The following ATP7B variants were observed in gnomAD, a reference collection of about 807,000 sequenced individuals.
ATP7B encodes ATPase copper transporting beta.
A neutral mutation model predicts 118.9 loss-of-function variants in ATP7B; 113 were observed. The observed-to-expected ratio is 0.95, with a 90% CI of 0.82 to 1.11. The LOEUF (loss-of-function observed/expected upper bound fraction) is 1.11. ATP7B is among the 50% of genes most tolerant of loss of function. ATP7B has a pLI of 0.00. For missense variants in ATP7B, 1,867 were observed against 1,871.4 expected (o/e 1.00, Z 0.04); for synonymous variants, 777 against 727.4 (o/e 1.07, Z -1.10).
chr13:51,968,733 T>C, intron 3 of ATP7B, 126 bp from the exon 4 acceptor site: 2 of 1,154,078 alleles, frequency 1.7e-6, no homozygotes, highest in Admixed American at 1.9e-5. Context: ...TTTCAAACAC[T>C]GTTTGAAAAT....
At chr13:51,964,011 A>G (rs1838609364) in intron 5 of ATP7B, among the ~76,000 whole-genome samples, 1 of 152,040 alleles carries the variant, frequency 6.6e-6, no homozygotes, top group Admixed American at 6.6e-5. Context: ...AAATCATGCC[A>G]CTGCACTCCA....
intron 1 of ATP7B, among the ~76,000 whole-genome samples, chr13:51,991,073 C>A (rs533282880): frequency 6.6e-6 from 1 of 151,346 alleles, no homozygotes; most frequent in East Asian, 1.9e-4. Context: ...GGCGACGGAG[C>A]GAGACTCTGT....
At chr13:51,976,342 A>C (rs1004792745) in intron 1 of ATP7B, among the ~76,000 whole-genome samples, 5 of 152,234 alleles carry the variant, frequency 3.3e-5, no homozygotes, top group Non-Finnish European at 7.3e-5. Flanking sequence ...CAGCTTAACA[A>C]CACAAATGTT....
At chr13:51,954,133 A>C (rs972410583) in intron 9 of ATP7B, among the ~76,000 whole-genome samples, 1 of 152,198 alleles carries the variant, frequency 6.6e-6, no homozygotes, top group Non-Finnish European at 1.5e-5. Context: ...TGAGCCCTGA[A>C]GGCAAGGAGC....
intron 9 of ATP7B, among the ~76,000 whole-genome samples, chr13:51,953,868 A>C (rs74087007): frequency 6.1e-5 from 9 of 148,306 alleles, no homozygotes; most frequent in African/African-American, 1.8e-4. Flanking sequence ...AAAAAAAAAA[A>C]CCAGAAAATT....
intron 1 of ATP7B, among the ~76,000 whole-genome samples, chr13:51,976,433 T>C (rs540943573): frequency 1.3e-5 from 2 of 152,378 alleles, no homozygotes; most frequent in African/African-American, 4.8e-5. Context: ...TACATAGAAT[T>C]TTAAATATTC....
At chr13:51,944,422 G>A in intron 13 of ATP7B, 131 bp from the exon 14 acceptor site, 1 of 1,148,348 alleles carries the variant, frequency 8.7e-7, no homozygotes, top group East Asian at 2.6e-5. Context: ...TTCCTAACGT[G>A]ATCCTCTGTC....
chr13:51,990,228 A>C (rs1464725022), intron 1 of ATP7B, among the ~76,000 whole-genome samples: 3 of 152,098 alleles, frequency 2.0e-5, no homozygotes, highest in African/African-American at 7.2e-5. Flanking sequence ...AATTTTGCCT[A>C]ATTGCTCTTC....
chr13:51,935,669 G>C lies in ATP7B; in HGVS notation c.4048C>G (p.Leu1350Val). 6.2e-7 allele frequency: 1 copy of C among 1,613,414 alleles called. No homozygotes were observed. Among genetic ancestry groups the C allele is most frequent in the Non-Finnish European group, 8.5e-7 (1 of 1,179,816 alleles). Residue 1350 changes from leucine (L) to valine (V), a missense_variant, in exon 20 of 21, where the codon CTG (leucine) becomes GTG (valine). Physicochemically the swap from Leu to Val is conservative, Grantham distance 32. Transcript: ENST00000242839. ...AGVFMPIGIV[L>V]QPWMGSAAMA... ...GCCGCTGAGCCCATCCAGGGCTGCA[G>C]CACAATGCCGATGGGCATGAAGACA...
At chr13:52,011,460 G>GCGGCGCGGCT (rs766338038), upstream of ATP7B, 264 of 1,283,612 alleles carry the variant, frequency 2.1e-4, no homozygotes, top group Non-Finnish European at 2.8e-4. Context: ...GGGCATCGGC[G>GCGGCGCGGCT]CGGCTCGGCT....
chr13:52,006,531 C>T (rs1397792313), intron 1 of ATP7B, among the ~76,000 whole-genome samples: 1 of 152,168 alleles, frequency 6.6e-6, no homozygotes, highest in African/African-American at 2.4e-5. Flanking sequence ...GCTTTTCAGC[C>T]ACCTTTGGTC....
chr13:51,964,329 A>C (rs1415261218), intron 5 of ATP7B, among the ~76,000 whole-genome samples: 1 of 152,202 alleles, frequency 6.6e-6, no homozygotes, highest in Non-Finnish European at 1.5e-5. Flanking sequence ...ATAGCCTAGT[A>C]TTGTATAAAA....
At chr13:51,935,105 C>A in intron 20 of ATP7B, 76 bp from the exon 21 acceptor site, 1 of 1,550,856 alleles carries the variant, frequency 6.4e-7, no homozygotes, top group South Asian at 1.2e-5. Flanking sequence ...CTGGTGAAGG[C>A]CTCTCATCCA....
chr13:51,999,491 T>G (rs1280561370), intron 1 of ATP7B, among the ~76,000 whole-genome samples: 4 of 152,070 alleles, frequency 2.6e-5, no homozygotes, highest in Admixed American at 2.6e-4. Flanking sequence ...CAGTCTTGAG[T>G]GAAAAACGAT....
chr13:51,988,161 T>A (rs1372830532), intron 1 of ATP7B, among the ~76,000 whole-genome samples: 2 of 151,874 alleles, frequency 1.3e-5, no homozygotes, highest in Non-Finnish European at 1.5e-5. Context: ...TCTATCCATC[T>A]GACAAAGGGC....
At chr13:52,010,612 T>C (rs1006575518) in intron 1 of ATP7B, among the ~76,000 whole-genome samples, 2 of 152,224 alleles carry the variant, frequency 1.3e-5, no homozygotes, top group Admixed American at 1.3e-4. Context: ...CTCATTTAGG[T>C]AAAACAAAAA....
intron 19 of ATP7B, among the ~76,000 whole-genome samples, chr13:51,936,875 T>A (rs1956997465): frequency 6.6e-6 from 1 of 152,164 alleles, no homozygotes. Flanking sequence ...GAGTGAAACT[T>A]GGGCAGGATT....
chr13:51,994,114 T>C (rs951698768), intron 1 of ATP7B, among the ~76,000 whole-genome samples: 4 of 152,184 alleles, frequency 2.6e-5, no homozygotes, highest in Non-Finnish European at 5.9e-5. Context: ...TTTAAACACA[T>C]GGCTAAAAGT....
At chr13:51,943,493 A>T (rs1222407809) in intron 14 of ATP7B, among the ~76,000 whole-genome samples, 1 of 152,212 alleles carries the variant, frequency 6.6e-6, no homozygotes, top group African/African-American at 2.4e-5. Flanking sequence ...ATTTACTGCT[A>T]ACAGTATTGC....
Sources: gnomAD v4.1 joint callset for allele counts (sites outside exome capture counted in the v4.1 genomes callset) on GRCh38, gnomAD v4.1.1 for gene constraint, MANE v1.5 for transcripts, NCBI Gene and HGNC (gene_info 2026-07-23, HGNC 2026-07-21) for gene names.